Variants in TASP1 observed in about 807,000 individuals in gnomAD.
TASP1 encodes the protein threonine aspartase 1.
Under a neutral mutation model 56.6 loss-of-function variants are expected in TASP1, and 16 were observed. The observed-to-expected ratio is 0.28, with a 90% CI of 0.19 to 0.43. The LOEUF (loss-of-function observed/expected upper bound fraction) is 0.43, where lower values mean the gene tolerates loss of function less well. Ranked by LOEUF, TASP1 falls within the 20% of genes least tolerant of loss-of-function variation. TASP1 has a pLI of 1.00. For missense variants in TASP1, 393 were observed against 511.6 expected, an observed-to-expected ratio of 0.77 and a Z score of 2.24; for synonymous variants, 179 against 184.2, an observed-to-expected ratio of 0.97 and a Z score of 0.23.
intron 4 of TASP1, among the ~76,000 whole-genome samples, chr20:13,607,910 G>T (rs1190859023): frequency 6.6e-6 from 1 of 152,088 alleles, no homozygotes; most frequent in Non-Finnish European, 1.5e-5. Context: ...GGAGGCAAAG[G>T]CTTTAGTGAG....
the TASP1 span, among the ~76,000 whole-genome samples, chr20:13,331,106 CCTTT>C: frequency 6.6e-6 from 1 of 151,908 alleles, no homozygotes; most frequent in Non-Finnish European, 1.5e-5. Flanking sequence ...TGAGTTGAGC[CCTTT>C]CTTATTTTCT....
chr20:13,304,656 C>A, the TASP1 span, among the ~76,000 whole-genome samples: 3 of 152,166 alleles, frequency 2.0e-5, no homozygotes, highest in African/African-American at 7.2e-5. Context: ...GAGTGCCTGT[C>A]AGTCAACTGT....
chr20:13,126,445 A>T, the TASP1 span: 2 of 905,654 alleles, frequency 2.2e-6, no homozygotes, highest in Non-Finnish European at 3.2e-6. Context: ...TTTGATGAAA[A>T]CCATTGAAAG....
the TASP1 span, among the ~76,000 whole-genome samples, chr20:13,367,513 G>A: frequency 6.6e-6 from 1 of 152,154 alleles, no homozygotes; most frequent in Admixed American, 6.5e-5. Flanking sequence ...CAATGAAATT[G>A]GATATCCTTT....
the TASP1 span, among the ~76,000 whole-genome samples, chr20:13,116,104 A>G: frequency 6.6e-6 from 1 of 152,302 alleles, no homozygotes; most frequent in South Asian, 2.1e-4. Context: ...GAACACACAA[A>G]TGCTGCACCC....
the TASP1 span, among the ~76,000 whole-genome samples, chr20:13,230,875 G>C: frequency 0.27 from 41,332 of 151,936 alleles, 5,931 homozygotes; most frequent in African/African-American, 0.37. Context: ...CTTTCTTTCT[G>C]TGGCTTATCA....
chr20:13,391,349 G>A (rs1317865442), intron 13 of TASP1, among the ~76,000 whole-genome samples: 1 of 152,184 alleles, frequency 6.6e-6, no homozygotes, highest in Non-Finnish European at 1.5e-5. Context: ...TTCATGAGGG[G>A]TCAGGATGAG....
the TASP1 span, among the ~76,000 whole-genome samples, chr20:13,292,145 CA>C: frequency 2.0e-5 from 3 of 152,214 alleles, no homozygotes; most frequent in African/African-American, 7.2e-5. Context: ...AGGACTTATT[CA>C]GGCACATTTG....
At chr20:13,489,068 C>T (rs2043427817) in intron 10 of TASP1, among the ~76,000 whole-genome samples, 6 of 152,134 alleles carry the variant, frequency 3.9e-5, no homozygotes, top group Admixed American at 3.9e-4. Flanking sequence ...ATATAATTCT[C>T]ACTAATGTTA....
intron 11 of TASP1, among the ~76,000 whole-genome samples, chr20:13,473,988 C>T (rs1042811417): frequency 6.6e-6 from 1 of 152,022 alleles, no homozygotes; most frequent in East Asian, 1.9e-4. Context: ...GCGCAAGGAC[C>T]GCTAGAGCCC....
chr20:13,292,532 T>G, the TASP1 span: 1 of 942,238 alleles, frequency 1.1e-6, no homozygotes. Flanking sequence ...GCTTTTGCAA[T>G]GCCATCCTTG....
At chr20:13,170,127 G>A in the TASP1 span, among the ~76,000 whole-genome samples, 9 of 152,228 alleles carry the variant, frequency 5.9e-5, no homozygotes, top group African/African-American at 1.9e-4. Flanking sequence ...TGCCAGACAC[G>A]ATATTAAGAA....
At chr20:13,433,132 G>A (rs373405387) in intron 12 of TASP1, among the ~76,000 whole-genome samples, 14 of 151,908 alleles carry the variant, frequency 9.2e-5, no homozygotes, top group Admixed American at 4.6e-4. Context: ...ACCTAGCCCC[G>A]CACCCCCTGA....
At chr20:13,244,054 G>A in the TASP1 span, 3 of 152,196 alleles carry the variant, frequency 2.0e-5, no homozygotes, top group African/African-American at 4.8e-5. Flanking sequence ...AGGTCAGAAA[G>A]AGAGCCCTGT....
chr20:13,606,724 G>A (rs748272461), intron 4 of TASP1, among the ~76,000 whole-genome samples: 7 of 151,058 alleles, frequency 4.6e-5, no homozygotes, highest in East Asian at 2.0e-4. Context: ...GTAGAATGGC[G>A]TGAACCCAGG....
intron 8 of TASP1, among the ~76,000 whole-genome samples, chr20:13,553,903 T>C (rs920398559): frequency 6.6e-6 from 1 of 152,180 alleles, no homozygotes; most frequent in Non-Finnish European, 1.5e-5. Flanking sequence ...GAGATGGTAA[T>C]TATGACAACT....
At chr20:13,307,452 G>A in the TASP1 span, among the ~76,000 whole-genome samples, 5 of 152,098 alleles carry the variant, frequency 3.3e-5, no homozygotes, top group African/African-American at 1.2e-4. Context: ...CTACAGAAAT[G>A]TTCTATATAT....
intron 4 of TASP1, among the ~76,000 whole-genome samples, chr20:13,587,889 G>T (rs1601351866): frequency 6.6e-6 from 1 of 152,194 alleles, no homozygotes; most frequent in East Asian, 1.9e-4. Context: ...ACTTAGGGAG[G>T]CCAAGGTGGA....
At chr20:13,576,227 GGGGA>G (rs2046903578) in intron 6 of TASP1, among the ~76,000 whole-genome samples, 1 of 147,002 alleles carries the variant, frequency 6.8e-6, no homozygotes, top group African/African-American at 2.5e-5. Context: ...GGGGAGGGGA[GGGGA>G]GGGGAGCGGA....
Sources: gnomAD v4.1 joint callset for allele counts (sites outside exome capture counted in the v4.1 genomes callset) on GRCh38, gnomAD v4.1.1 for gene constraint, MANE v1.5 for transcripts, NCBI Gene and HGNC (gene_info 2026-07-23, HGNC 2026-07-21) for gene names.